The following RNF151 variants were observed in gnomAD, a reference collection of about 807,000 sequenced individuals.
The protein encoded by RNF151 is ring finger protein 151.
Under a neutral mutation model 11.1 loss-of-function variants are expected in RNF151, and 9 were observed. The ratio of observed to expected loss-of-function variants is 0.81; its 90% confidence interval spans 0.49 to 1.42. The LOEUF is 1.42. RNF151 is among the 40% of genes most tolerant of loss of function. RNF151 has a pLI of 0.00. For synonymous variants in RNF151, 172 were observed against 140.7 expected, an observed-to-expected ratio of 1.22 and a Z score of -1.58; for missense variants, 372 against 342.9, an observed-to-expected ratio of 1.08 and a Z score of -0.67.
chr16:1,968,151 A>T (rs1344646114), intron 3 of RNF151: 2 of 626,506 alleles, frequency 3.2e-6, no homozygotes, highest in African/African-American at 1.8e-5. Context: ...CAGATGGGTA[A>T]ACCGAGGTTA....
Position 1,968,699 on chromosome 16 carries a change from G to T in RNF151, c.512G>T (p.Arg171Leu). ...GAGCTGCACAACGCCTGGAGCGTGC[G>T]CCAGGAGCGCCGTCGGCCCCTGCTG... is the stretch of plus-strand genomic sequence containing the variant. ...YRELHNAWSVRQERRRPLLLS... is the reference protein window; with the variant it reads ...YRELHNAWSVLQERRRPLLLS... Residue 171 changes from arginine (R) to leucine (L), a missense_variant, in exon 4 of 4, where the codon CGC becomes CTC. Physicochemically the swap from Arg to Leu is moderately radical, Grantham distance 102. Coordinates refer to ENST00000569714, the MANE Select transcript of RNF151 (RefSeq NM_174903.6). 1 of 1,565,770 alleles carries T rather than the reference G, an allele frequency of 6.4e-7. No homozygotes were observed. Among genetic ancestry groups the T allele is most frequent in the Non-Finnish European group, 8.6e-7 (1 of 1,156,094 alleles).
chr16:1,968,677 C>G lies in RNF151; in HGVS notation c.490C>G (p.Leu164Val). 2 of 1,567,870 alleles carry G rather than the reference C, an allele frequency of 1.3e-6. No homozygotes were observed. The highest frequency in any genetic ancestry group is 1.7e-6 in the Non-Finnish European group (2 of 1,157,336). The change falls in exon 4 of 4, where the codon CTG becomes GTG. Residue 164 changes from leucine (L) to valine (V), a missense_variant. Leu to Val is a conservative substitution (Grantham distance 32, BLOSUM62 1). Coordinates refer to ENST00000569714, the MANE Select transcript of RNF151 (RefSeq NM_174903.6). The part of the protein sequence containing the change: ...ERARHNCYRE[L>V]HNAWSVRQER... ...TGCTCGCCACAACTGCTACCGGGAGCTGCACAACGCCTGGAGCGTGCGCCA... is the reference window on the plus strand; with the variant it reads ...TGCTCGCCACAACTGCTACCGGGAGGTGCACAACGCCTGGAGCGTGCGCCA...
intron 3 of RNF151, chr16:1,968,111 C>T: frequency 1.5e-6 from 1 of 664,040 alleles, no homozygotes. Flanking sequence ...CCCAGTGTGC[C>T]TGCCACTACT....
intron 3 of RNF151, 134 bp from the exon 4 acceptor site, chr16:1,968,300 C>T: frequency 8.6e-7 from 1 of 1,167,044 alleles, no homozygotes; most frequent in Middle Eastern, 2.6e-4. Context: ...CCAGTGTTCT[C>T]TCCACCAACT....
In RNF151 at chr16:1,968,026, C is replaced by A. The variant is rs1338345047; in HGVS notation, c.246+205C>A. 4.3e-6 allele frequency: 3 copies of A among 703,002 alleles called. No homozygotes were observed. The Admixed American group carries it at 6.0e-5, about 14-fold the overall frequency. The allele number at this position is 703,002 out of a possible 1,614,324, so 43.5% of individuals were successfully genotyped here. On this transcript the variant is annotated intron_variant, in intron 3 of 3. Coordinates refer to ENST00000569714, the MANE Select transcript of RNF151 (RefSeq NM_174903.6). ...AGGCAAGTCACCTAACTTTTCCAAG[C>A]CCCTGGGTTAGAAAATGGAGATTTT...
At chr16:1,968,129 C>G (rs1405653107) in intron 3 of RNF151, 4 of 637,348 alleles carry the variant, frequency 6.3e-6, no homozygotes, top group African/African-American at 5.5e-5. Flanking sequence ...ACTCTCTAGT[C>G]CCCTAGTTTT....
Position 1,967,739 on chromosome 16 carries a change from C to T in RNF151, c.164C>T (p.Pro55Leu), listed in dbSNP as rs772166537. 23 of 1,610,722 alleles carry T rather than the reference C, an allele frequency of 1.4e-5. No homozygotes were observed. The highest frequency in any genetic ancestry group is 1.2e-4 in the South Asian group (11 of 90,264). ...LRWLARQKTC[P>L]CCRKEVKRKK... ...CCTCCTTCCAGACAAAAGACCTGTC[C>T]GTGCTGTAGGAAAGAGGTGAAAAGG... The change falls in exon 3 of 4, where the codon CCG (proline) becomes CTG (leucine). Residue 55 changes from proline (P) to leucine (L), a missense_variant. By Grantham distance (98) the Pro-to-Leu change is moderately conservative (BLOSUM62 -3). Coordinates refer to ENST00000569714, the MANE Select transcript of RNF151 (RefSeq NM_174903.6).
chr16:1,968,327 G>C (rs2083329263), intron 3 of RNF151, 107 bp from the exon 4 acceptor site: 4 of 1,367,034 alleles, frequency 2.9e-6, no homozygotes, highest in South Asian at 1.5e-5. Context: ...AGTCAGAAAA[G>C]CGTGGGAGGC....
rs755073467 is a variant in RNF151 at position 1,966,859 on chromosome 16, G to A, written c.-23G>A. On this transcript the variant is annotated 5_prime_UTR_variant, in exon 1 of 4. Transcript: ENST00000569714. ...GGCTCCTGAGCTCTGGGGGCCTGTG[G>A]AGCTGCTGTCTAGACGCAGATCATG... 30 of 1,555,148 alleles carry A rather than the reference G, an allele frequency of 1.9e-5. No homozygotes were observed. In the East Asian group the frequency reaches 6.8e-4, roughly 35 times the overall value.
intron 3 of RNF151, 115 bp from the exon 4 acceptor site, chr16:1,968,319 T>A (rs1597043687): frequency 1.5e-6 from 2 of 1,313,914 alleles, no homozygotes; most frequent in East Asian, 5.1e-5. Flanking sequence ...CTCACCAGAG[T>A]CAGAAAAGCG....
intron 1 of RNF151, 121 bp from the exon 2 acceptor site, chr16:1,967,153 C>T: frequency 7.5e-7 from 1 of 1,330,908 alleles, no homozygotes. Flanking sequence ...TGAGCCAACC[C>T]CTTTACTTGA....
chr16:1,968,828 TGGAGGGTGCCCCACA>T lies in RNF151; in HGVS notation c.647_661del (p.Gly216_Glu220del). Reference sequence around the variant, plus strand: ...TTCCTGGAGGAAGACACCGCTCTGCTGGAGGGTGCCCCACAGGAGGAGGCCGAGGCTGCCCCAGAA... The same window carrying T: ...TTCCTGGAGGAAGACACCGCTCTGCTGGAGGAGGCCGAGGCTGCCCCAGAA... On this transcript the variant is annotated inframe_deletion, in exon 4 of 4. Transcript: ENST00000569714. The T allele has an allele frequency of 4.4e-6, 7 of 1,594,084 alleles. No homozygotes were observed. The highest frequency in any genetic ancestry group is 6.0e-6 in the Non-Finnish European group (7 of 1,171,092).
chr16:1,966,945 C>T lies in RNF151; in HGVS notation c.3+61C>T, dbSNP rs1312382596. ...TGTGTGCCCAACTCCAGAAACCTGC[C>T]CAGTTGTCCAGGGATCGACCCCACT... is the stretch of plus-strand genomic sequence containing the variant. On this transcript the variant is annotated intron_variant, in intron 1 of 3. Transcript: ENST00000569714. 4 of 1,518,448 alleles carry T rather than the reference C, an allele frequency of 2.6e-6. No homozygotes were observed. In the African/African-American group the frequency reaches 4.2e-5, roughly 16 times the overall value. 94.1% of individuals were successfully genotyped at this position (1,518,448 alleles called of 1,614,324 possible).
chr16:1,967,442 C>T (rs1199487175), intron 2 of RNF151, 23 bp downstream of exon 2: 1 of 1,606,580 alleles, frequency 6.2e-7, no homozygotes, highest in Non-Finnish European at 8.5e-7. Context: ...ACCCAAGGGG[C>T]TGGGAGGGCA....
At chr16:1,967,995 G>A (rs906993220) in intron 3 of RNF151, 174 bp downstream of exon 3, 1 of 708,280 alleles carries the variant, frequency 1.4e-6, no homozygotes, top group Non-Finnish European at 2.6e-6. Flanking sequence ...GTTGCTGTGT[G>A]ACTTTAGGCA....
Position 1,968,663 on chromosome 16 carries a change from ACTG to A in RNF151, c.479_481del (p.Cys160del). The A allele has an allele frequency of 6.4e-7, 1 of 1,568,036 alleles. No individual in the cohort carries two copies. Among genetic ancestry groups the A allele is most frequent in the Non-Finnish European group, 8.6e-7 (1 of 1,157,444 alleles). On this transcript the variant is annotated inframe_deletion, in exon 4 of 4. Coordinates refer to ENST00000569714, the MANE Select transcript of RNF151 (RefSeq NM_174903.6). Reference sequence around the variant, plus strand: ...GACCCGGCCGAGCGTGCTCGCCACAACTGCTACCGGGAGCTGCACAACGCCTGG... The same window carrying A: ...GACCCGGCCGAGCGTGCTCGCCACAACTACCGGGAGCTGCACAACGCCTGG...
At chr16:1,967,872 G>A in intron 3 of RNF151, 51 bp downstream of exon 3, 4 of 1,338,062 alleles carry the variant, frequency 3.0e-6, no homozygotes, top group Non-Finnish European at 4.2e-6. Flanking sequence ...CACCCTTGTA[G>A]GGGTGGGGCA....
rs766760113 is a variant in RNF151, at chr16:1,968,698, C to T, written c.511C>T (p.Arg171Cys). 12 of 1,565,182 alleles carry T rather than the reference C, an allele frequency of 7.7e-6. No individual in the cohort carries two copies. The highest frequency in any genetic ancestry group is 2.4e-5 in the East Asian group (1 of 41,708). ...GGAGCTGCACAACGCCTGGAGCGTG[C>T]GCCAGGAGCGCCGTCGGCCCCTGCT... ...YRELHNAWSV[R>C]QERRRPLLLS... Residue 171 changes from arginine to cysteine, a missense_variant, in exon 4 of 4, where the codon CGC (arginine) becomes TGC (cysteine). Coordinates refer to ENST00000569714, the MANE Select transcript of RNF151 (RefSeq NM_174903.6).
rs1360936533 is a variant in RNF151, at chr16:1,967,836, C to G, written c.246+15C>G. 4 of 1,577,328 alleles carry G rather than the reference C, an allele frequency of 2.5e-6. No homozygotes were observed. The highest frequency in any genetic ancestry group is 1.3e-5 in the African/African-American group (1 of 74,150). ...TGGAAGTCAAGGTAGCTCAAAGTAC[C>G]CACTCCCCTGACCCTCAACCCTTCT... is the stretch of plus-strand genomic sequence containing the variant. On this transcript the variant is annotated intron_variant, in intron 3 of 3. Coordinates refer to ENST00000569714, the MANE Select transcript of RNF151 (RefSeq NM_174903.6).
Sources: gnomAD v4.1 joint callset for allele counts on GRCh38, gnomAD v4.1.1 for gene constraint, MANE v1.5 for transcripts, NCBI Gene and HGNC (gene_info 2026-07-23, HGNC 2026-07-21) for gene names.